The following CALN1 variants were observed in gnomAD, a reference collection of about 807,000 sequenced individuals.
CALN1 encodes calcium-binding protein 8.
CALN1 carries 17 observed loss-of-function variants against 30.6 expected under a neutral mutation model. The ratio of observed to expected loss-of-function variants is 0.56; its 90% CI spans 0.38 to 0.83. The LOEUF (loss-of-function observed/expected upper bound fraction) is 0.83. CALN1 is among the 40% of genes least tolerant of loss of function. The pLI, the probability that CALN1 is intolerant of heterozygous loss-of-function variation, is 0.00. For synonymous variants in CALN1, 156 were observed against 131.4 expected, an observed-to-expected ratio of 1.19 and a Z score of -1.28; for missense variants, 291 against 354.9, an observed-to-expected ratio of 0.82 and a Z score of 1.45.
At chr7:72,234,247 G>A (rs773124508) in intron 3 of CALN1, among the ~76,000 whole-genome samples, 27 of 152,078 alleles carry the variant, frequency 1.8e-4, no homozygotes, top group Non-Finnish European at 3.5e-4. Flanking sequence ...CTCTGCTTTG[G>A]ATGTCAACAA....
At chr7:72,411,154 TTGAAAA>T (rs1807111694) in intron 1 of CALN1, among the ~76,000 whole-genome samples, 1 of 152,118 alleles carries the variant, frequency 6.6e-6, no homozygotes, top group Non-Finnish European at 1.5e-5. Context: ...TTTTACAGAT[TTGAAAA>T]AAACTATCAA....
intron 3 of CALN1, among the ~76,000 whole-genome samples, chr7:72,149,145 C>A (rs771105413): frequency 6.6e-6 from 1 of 152,066 alleles, no homozygotes; most frequent in Non-Finnish European, 1.5e-5. Flanking sequence ...GCTTCCTGTA[C>A]AGCCTGCAGA....
At chr7:72,363,796 G>A (rs1480070363) in intron 2 of CALN1, among the ~76,000 whole-genome samples, 1 of 143,012 alleles carries the variant, frequency 7.0e-6, no homozygotes, top group Non-Finnish European at 1.5e-5. Context: ...GCACAATCTC[G>A]GGCTCACTGC....
the CALN1 span, among the ~76,000 whole-genome samples, chr7:72,453,433 G>A: frequency 6.6e-6 from 1 of 152,226 alleles, no homozygotes; most frequent in Non-Finnish European, 1.5e-5. Flanking sequence ...CATTGCCCTG[G>A]AAAGGGGTGG....
upstream of CALN1, among the ~76,000 whole-genome samples, chr7:72,413,127 ACT>A (rs1807282312): frequency 6.6e-6 from 1 of 151,904 alleles, no homozygotes; most frequent in Non-Finnish European, 1.5e-5. Context: ...GCACACATAC[ACT>A]CTTACACGTA....
At chr7:72,404,798 T>C (rs973498603) in intron 1 of CALN1, among the ~76,000 whole-genome samples, 2 of 152,212 alleles carry the variant, frequency 1.3e-5, no homozygotes, top group African/African-American at 4.8e-5. Context: ...AAGAGCTGTA[T>C]GTGGATGGTG....
chr7:72,133,826 T>C (rs1025704028), intron 3 of CALN1, among the ~76,000 whole-genome samples: 4 of 152,230 alleles, frequency 2.6e-5, no homozygotes, highest in Admixed American at 6.5e-5. Flanking sequence ...TAACTTAATA[T>C]AACTATGAAG....
At chr7:72,452,443 A>T in the CALN1 span, among the ~76,000 whole-genome samples, 4 of 152,054 alleles carry the variant, frequency 2.6e-5, no homozygotes, top group Non-Finnish European at 5.9e-5. Context: ...ATTAGTTAAC[A>T]AGAGATTTGA....
At chr7:72,367,486 G>A (rs1053109948) in intron 2 of CALN1, among the ~76,000 whole-genome samples, 1 of 152,012 alleles carries the variant, frequency 6.6e-6, no homozygotes, top group African/African-American at 2.4e-5. Context: ...AATTAACGGT[G>A]TGGTGGTGCA....
In CALN1 at chr7:71,894,516, C is replaced by T. The variant is rs1793431882; in HGVS notation, c.502-84024G>A. On this transcript the variant is annotated intron_variant, in intron 5 of 6. Transcript: ENST00000395275. ...TCCTGGCCTCACTCAGGTGATCCTC[C>T]CACCTCGACCTCCCAGAGTGGTGGG... Among the ~76,000 whole-genome samples, 5 of 152,190 alleles carry T rather than the reference C, an allele frequency of 3.3e-5. No homozygotes were observed. The South Asian group carries it at 8.3e-4, about 25-fold the overall frequency.
chr7:72,271,575 A>AAAAAAAAAAAAAAAAT, intron 3 of CALN1, among the ~76,000 whole-genome samples: 1 of 52,132 alleles, frequency 1.9e-5, no homozygotes, highest in African/African-American at 1.3e-4. Context: ...AAAAAAAAAA[A>AAAAAAAAAAAAAAAAT]ATATATATAT....
At chr7:72,281,512 G>A (rs772126514) in intron 2 of CALN1, among the ~76,000 whole-genome samples, 1 of 152,032 alleles carries the variant, frequency 6.6e-6, no homozygotes, top group Non-Finnish European at 1.5e-5. Flanking sequence ...CATAAACATG[G>A]GAAGACACCT....
At chr7:72,473,411 G>A in the CALN1 span, among the ~76,000 whole-genome samples, 31 of 152,016 alleles carry the variant, frequency 2.0e-4, no homozygotes, top group African/African-American at 4.6e-4. Context: ...TCCCAAGCCC[G>A]AGACTAAAAT....
chr7:72,098,006 G>A (rs1004502627), intron 4 of CALN1, among the ~76,000 whole-genome samples: 36 of 152,162 alleles, frequency 2.4e-4, no homozygotes, highest in African/African-American at 6.0e-4. Context: ...GAGCCACCAC[G>A]CCCGGCCTTT....
chr7:72,017,039 C>T (rs1284081257), intron 5 of CALN1, among the ~76,000 whole-genome samples: 3 of 132,744 alleles, frequency 2.3e-5, no homozygotes, highest in African/African-American at 1.0e-4. Flanking sequence ...TGGCACACAC[C>T]TGTAGTCCCA....
chr7:72,395,468 T>G (rs1187012000), intron 2 of CALN1, among the ~76,000 whole-genome samples: 1 of 152,226 alleles, frequency 6.6e-6, no homozygotes, highest in African/African-American at 2.4e-5. Context: ...CACTAAGATT[T>G]TAATTTGCAT....
chr7:72,037,735 G>C (rs1258868372), intron 4 of CALN1, among the ~76,000 whole-genome samples: 2 of 152,008 alleles, frequency 1.3e-5, no homozygotes, highest in African/African-American at 4.8e-5. Context: ...TGTGGGTGGG[G>C]AATGGGGAGC....
Position 71,874,263 on chromosome 7 carries a change from ACT to A in CALN1, c.502-63773_502-63772del, listed in dbSNP as rs1429634366. ...GCACTCCAGCCTGGGTGACAGCGAG[ACT>A]CTGTCTCAAACATTAAAAAAAAAAA... On this transcript the variant is annotated intron_variant, in intron 5 of 6. Coordinates refer to ENST00000395275, the MANE Select transcript of CALN1 (RefSeq NM_031468.4). Among the ~76,000 whole-genome samples the A allele has an allele frequency of 5.7e-5, 8 of 139,360 alleles. No individual in the cohort carries two copies. In the East Asian group the frequency reaches 1.7e-3, roughly 29 times the overall value. The allele number at this position is 139,360 out of a possible 152,430, so 91.4% of individuals were successfully genotyped here.
At chr7:72,334,564 A>T (rs1053836650) in intron 2 of CALN1, among the ~76,000 whole-genome samples, 5 of 151,948 alleles carry the variant, frequency 3.3e-5, no homozygotes, top group African/African-American at 1.2e-4. Flanking sequence ...ATGTGTGTCA[A>T]TCAAGTCTTG....
Sources: gnomAD v4.1 joint callset for allele counts (sites outside exome capture counted in the v4.1 genomes callset) on GRCh38, gnomAD v4.1.1 for gene constraint, MANE v1.5 for transcripts, NCBI Gene and HGNC (gene_info 2026-07-23, HGNC 2026-07-21) for gene names.